The following PREX2 variants were observed in gnomAD, a reference collection of about 807,000 sequenced individuals.
PREX2 encodes phosphatidylinositol-3,4,5-trisphosphate dependent Rac exchange factor 2.
Under a neutral mutation model 203.2 loss-of-function variants are expected in PREX2, and 107 were observed. The ratio of observed to expected loss-of-function variants is 0.53; its 90% confidence interval spans 0.45 to 0.62. The LOEUF (loss-of-function observed/expected upper bound fraction) is 0.62. PREX2 is among the 20% of genes least tolerant of loss of function. The pLI is 0.00. For missense variants in PREX2, 1,777 were observed against 1,955.9 expected, an observed-to-expected ratio of 0.91 and a Z score of 1.72; for synonymous variants, 672 against 663.6, an observed-to-expected ratio of 1.01 and a Z score of -0.19.
chr8:67,973,027 CT>C (rs887188329), intron 1 of PREX2, among the ~76,000 whole-genome samples: 17 of 152,158 alleles, frequency 1.1e-4, no homozygotes, highest in Non-Finnish European at 2.9e-5. Context: ...TCAGTGTCAT[CT>C]TTGTCTCCAT....
intron 38 of PREX2, among the ~76,000 whole-genome samples, chr8:68,219,463 C>T (rs1307513558): frequency 6.6e-6 from 1 of 151,932 alleles, no homozygotes; most frequent in African/African-American, 2.4e-5. Flanking sequence ...GTCATGGGTT[C>T]CTTATAAAAT....
intron 37 of PREX2, among the ~76,000 whole-genome samples, chr8:68,193,863 G>C (rs555466855): frequency 6.6e-6 from 1 of 152,324 alleles, no homozygotes; most frequent in East Asian, 1.9e-4. Context: ...ATTTTGCCTT[G>C]AGATGGCCAC....
intron 6 of PREX2, among the ~76,000 whole-genome samples, chr8:68,037,239 G>T (rs1701282653): frequency 6.6e-6 from 1 of 152,142 alleles, no homozygotes; most frequent in African/African-American, 2.4e-5. Context: ...AAAGAATCTT[G>T]ATATAATTGA....
At chr8:68,131,114 T>C (rs1811001316) in intron 31 of PREX2, among the ~76,000 whole-genome samples, 1 of 152,162 alleles carries the variant, frequency 6.6e-6, no homozygotes, top group African/African-American at 2.4e-5. Flanking sequence ...TCTGACTGCT[T>C]TCAGATATGT....
chr8:68,046,564 T>G (rs988585961), intron 8 of PREX2, among the ~76,000 whole-genome samples: 1 of 152,132 alleles, frequency 6.6e-6, no homozygotes, highest in Non-Finnish European at 1.5e-5. Context: ...CCTAAGACCT[T>G]GTTGTGTATG....
chr8:68,106,222 C>T, intron 23 of PREX2: 1 of 456,602 alleles, frequency 2.2e-6, no homozygotes, highest in Non-Finnish European at 4.2e-6. Flanking sequence ...ATTTCAGTGC[C>T]TTTATTTGTG....
Position 68,098,936 on chromosome 8 carries a change from GTGTATATATA to G in PREX2, c.2554-744_2554-735del, listed in dbSNP as rs1369478854. On this transcript the variant is annotated intron_variant, in intron 22 of 39. Coordinates refer to ENST00000288368, the MANE Select transcript of PREX2 (RefSeq NM_024870.4). ...TTAATCAGAAATGCTACATATATAT[GTGTATATATA>G]TATATATATATATATATATATATAT... 5.2e-3 allele frequency among the ~76,000 whole-genome samples: 390 copies of G among 74,860 alleles called. 4 individuals are homozygous for G. Among genetic ancestry groups the G allele is most frequent in the African/African-American group, 0.013 (257 of 20,192 alleles). 49.1% of individuals were successfully genotyped at this position (74,860 alleles called of 152,430 possible).
intron 35 of PREX2, among the ~76,000 whole-genome samples, chr8:68,164,708 G>T (rs980403619): frequency 6.7e-6 from 1 of 150,152 alleles, no homozygotes; most frequent in African/African-American, 2.4e-5. Flanking sequence ...TCAGCCTCCC[G>T]AGTAGCTGGG....
chr8:67,963,642 T>C (rs1348959950), intron 1 of PREX2, among the ~76,000 whole-genome samples: 1 of 152,192 alleles, frequency 6.6e-6, no homozygotes, highest in South Asian at 2.1e-4. Flanking sequence ...AATTATACTT[T>C]AGTTTTTCCT....
intron 35 of PREX2, among the ~76,000 whole-genome samples, chr8:68,184,182 C>A (rs7844562): frequency 0.85 from 129,480 of 152,124 alleles, 55,270 homozygotes; most frequent in East Asian, 1. Flanking sequence ...GTCGTGTATT[C>A]TTTAACCACA....
chr8:67,965,015 G>C (rs10093006), intron 1 of PREX2, among the ~76,000 whole-genome samples: 20,711 of 152,084 alleles, frequency 0.14, 1,843 homozygotes, highest in African/African-American at 0.26. Flanking sequence ...GCAGTTGCTG[G>C]AGTAGGGACG....
chr8:68,198,275 G>A (rs1226731850), intron 37 of PREX2, among the ~76,000 whole-genome samples: 1 of 152,112 alleles, frequency 6.6e-6, no homozygotes, highest in Non-Finnish European at 1.5e-5. Context: ...ACAAATAAAA[G>A]TATTTAATAT....
At chr8:67,981,494 T>G (rs1310027109) in intron 1 of PREX2, among the ~76,000 whole-genome samples, 1 of 152,132 alleles carries the variant, frequency 6.6e-6, no homozygotes, top group African/African-American at 2.4e-5. Context: ...TAGATAGAAG[T>G]CCAGGGAGGT....
intron 30 of PREX2, among the ~76,000 whole-genome samples, chr8:68,126,916 GTATA>G (rs143838944): frequency 6.6e-6 from 1 of 151,050 alleles, no homozygotes; most frequent in Non-Finnish European, 1.5e-5. Context: ...ACGTGTGTGT[GTATA>G]TATATATACA....
intron 19 of PREX2, 76 bp from the exon 20 acceptor site, chr8:68,090,503 C>T (rs1809836509): frequency 7.7e-7 from 1 of 1,295,468 alleles, no homozygotes; most frequent in Non-Finnish European, 1.1e-6. Context: ...AAATTGCTTC[C>T]ATAATTGTAT....
At chr8:68,019,249 A>G (rs1807493055) in intron 2 of PREX2, among the ~76,000 whole-genome samples, 1 of 152,234 alleles carries the variant, frequency 6.6e-6, no homozygotes, top group African/African-American at 2.4e-5. Context: ...TGCCCTTTCC[A>G]GAAAAGCCTG....
intron 30 of PREX2, among the ~76,000 whole-genome samples, chr8:68,121,574 T>C (rs1810774282): frequency 6.6e-6 from 1 of 152,186 alleles, no homozygotes; most frequent in African/African-American, 2.4e-5. Context: ...ATTGGAGATA[T>C]ATGACTTTGA....
Position 68,120,294 on chromosome 8 carries a change from T to C in PREX2, c.3595+8T>C, listed in dbSNP as rs951330996. 1.9e-6 allele frequency: 3 copies of C among 1,607,372 alleles called. No individual in the cohort carries two copies. In the East Asian group the frequency reaches 6.7e-5, roughly 36 times the overall value. The stretch of plus-strand genomic sequence containing the variant: ...CAGGCCGAGGATTGCAAGGTAAGCC[T>C]TGAAAAATTAACTAGTAGAAGCAAT... On this transcript the variant is annotated splice_region_variant and intron_variant, in intron 29 of 39. Transcript: ENST00000288368.
At chr8:68,126,089 A>G (rs1408738249) in intron 30 of PREX2, among the ~76,000 whole-genome samples, 5 of 152,144 alleles carry the variant, frequency 3.3e-5, no homozygotes, top group Non-Finnish European at 7.4e-5. Context: ...TCTTAATGAT[A>G]TAATAAAATC....
Sources: gnomAD v4.1 joint callset for allele counts (sites outside exome capture counted in the v4.1 genomes callset) on GRCh38, gnomAD v4.1.1 for gene constraint, MANE v1.5 for transcripts, NCBI Gene and HGNC (gene_info 2026-07-23, HGNC 2026-07-21) for gene names.